TRPM7: variants seen among roughly 807,000 people sequenced by gnomAD.
TRPM7 encodes the protein transient receptor potential cation channel subfamily M member 7.
A neutral mutation model predicts 229.7 loss-of-function variants in TRPM7; 134 were observed. The observed-to-expected ratio is 0.58, with a 90% CI of 0.51 to 0.67. The LOEUF (loss-of-function observed/expected upper bound fraction) is 0.67, where lower values mean the gene tolerates loss of function less well. Ranked by LOEUF, TRPM7 falls within the 30% of genes least tolerant of loss-of-function variation. The pLI is 0.00. For missense variants in TRPM7, 1,901 were observed against 2,210.0 expected, an observed-to-expected ratio of 0.86 and a Z score of 2.80; for synonymous variants, 699 against 715.2, an observed-to-expected ratio of 0.98 and a Z score of 0.36.
At chr15:50,666,830 G>A (rs1291469971) in intron 1 of TRPM7, among the ~76,000 whole-genome samples, 3 of 152,090 alleles carry the variant, frequency 2.0e-5, no homozygotes, top group African/African-American at 7.2e-5. Context: ...GGTGGAGGTG[G>A]CAGCACAAGT....
At chr15:50,593,537 A>C in intron 25 of TRPM7, 80 bp downstream of exon 25, 1 of 1,419,264 alleles carries the variant, frequency 7.0e-7, no homozygotes, top group Non-Finnish European at 9.7e-7. Flanking sequence ...AAATAAATTT[A>C]ACAATGACCA....
chr15:50,679,933 A>G (rs1490849781), intron 1 of TRPM7, among the ~76,000 whole-genome samples: 1 of 152,060 alleles, frequency 6.6e-6, no homozygotes, highest in Non-Finnish European at 1.5e-5. Flanking sequence ...GTGTCTCTGC[A>G]CTTGTCAAAA....
At chr15:50,566,077 G>T (rs560554224) in intron 38 of TRPM7, among the ~76,000 whole-genome samples, 2 of 151,822 alleles carry the variant, frequency 1.3e-5, no homozygotes, top group African/African-American at 4.8e-5. Context: ...CACCTGCCTC[G>T]GCCTCCCAAA....
rs1223433330 is a variant in TRPM7 at position 50,611,327 on chromosome 15, A to G, written c.2052-6T>C. On this transcript the variant is annotated splice_polypyrimidine_tract_variant and splice_region_variant and intron_variant, in intron 16 of 38. Transcript: ENST00000646667. Reference sequence around the variant, plus strand: ...CGGCCAACTGACCAAAATCACTATAAAAAGATAAAAGCCAAAATATACTCA... The same window carrying G: ...CGGCCAACTGACCAAAATCACTATAGAAAGATAAAAGCCAAAATATACTCA... 1.2e-6 allele frequency: 2 copies of G among 1,608,080 alleles called. No homozygotes were observed. Among genetic ancestry groups the G allele is most frequent in the South Asian group, 1.1e-5 (1 of 90,536 alleles).
intron 30 of TRPM7, among the ~76,000 whole-genome samples, chr15:50,580,589 A>G (rs1315584851): frequency 6.6e-6 from 1 of 152,252 alleles, no homozygotes; most frequent in Admixed American, 6.5e-5. Context: ...GGAATAAGTT[A>G]GAAACAGGAC....
rs1041681677 is a variant in TRPM7 at position 50,599,211 on chromosome 15, T to C, written c.3074A>G (p.His1025Arg). ...AGCAAGAGTCCAAGATGGTGCTTCA[T>C]GAGGATAAAGTATTGCCTTTCTGGG... Reference protein sequence around the residue: ...GVPRKAILYPHEAPSWTLAKD... With the variant: ...GVPRKAILYPREAPSWTLAKD... The change falls in exon 22 of 39, where the codon CAT becomes CGT. Residue 1025 changes from histidine to arginine, a missense_variant. Around this residue, in one of 8 missense-constraint regions of TRPM7, gnomAD observed 89 missense variants for 178.2 expected, o/e 0.50. Transcript: ENST00000646667. 6.2e-7 allele frequency: 1 copy of C among 1,613,274 alleles called. No individual in the cohort carries two copies. The highest frequency in any genetic ancestry group is 8.5e-7 in the Non-Finnish European group (1 of 1,179,390).
intron 30 of TRPM7, 108 bp from the exon 31 acceptor site, chr15:50,578,772 G>C (rs1434433512): frequency 1.6e-6 from 1 of 620,372 alleles, no homozygotes; most frequent in Non-Finnish European, 2.3e-6. Flanking sequence ...TATTATTAAG[G>C]AAATTCTGAA....
Position 50,609,478 on chromosome 15 carries a change from T to C in TRPM7, c.2580+103A>G. The C allele has an allele frequency of 3.5e-6, 4 of 1,139,168 alleles. No homozygotes were observed. The East Asian group carries it at 1.0e-4, about 30-fold the overall frequency. 70.6% of individuals were successfully genotyped at this position (1,139,168 alleles called of 1,614,324 possible). A position where few individuals can be genotyped will look rare whatever the true frequency, so the allele number is the denominator to read the frequency against. ...CACTCTTTTAAATGTGAAATGCCTT[T>C]TCAGTGATCTAAGTTATATCAACAT... On this transcript the variant is annotated intron_variant, in intron 19 of 38. Coordinates refer to ENST00000646667, the MANE Select transcript of TRPM7 (RefSeq NM_017672.6).
chr15:50,666,405 T>C (rs534829702), intron 1 of TRPM7, among the ~76,000 whole-genome samples: 94 of 151,284 alleles, frequency 6.2e-4, no homozygotes, highest in Non-Finnish European at 1.2e-3. Flanking sequence ...CATGCCACCG[T>C]ACTCCAGCCT....
intron 38 of TRPM7, among the ~76,000 whole-genome samples, chr15:50,567,548 T>C (rs1175940773): frequency 6.6e-6 from 1 of 152,088 alleles, no homozygotes; most frequent in African/African-American, 2.4e-5. Context: ...ATATTCTTCA[T>C]GAACACAGAT....
At chr15:50,596,031 G>A (rs76361167) in intron 23 of TRPM7, among the ~76,000 whole-genome samples, 4,537 of 152,010 alleles carry the variant, frequency 0.03, 249 homozygotes, top group African/African-American at 0.1. Flanking sequence ...CCCAGATAAC[G>A]ATTAAATTTA....
chr15:50,574,785 G>C, intron 34 of TRPM7, 66 bp from the exon 35 acceptor site: 3 of 1,583,346 alleles, frequency 1.9e-6, no homozygotes, highest in South Asian at 2.3e-5. Context: ...TTGGCTTATT[G>C]ATATTTCAGA....
chr15:50,645,196 A>G lies in TRPM7; in HGVS notation c.322-1643T>C, dbSNP rs545769138. 5.6e-3 allele frequency among the ~76,000 whole-genome samples: 806 copies of G among 143,740 alleles called. 4 individuals are homozygous for G. Among genetic ancestry groups the G allele is most frequent in the Non-Finnish European group, 8.4e-3 (552 of 65,826 alleles). 94.3% of individuals were successfully genotyped at this position (143,740 alleles called of 152,430 possible). A position where few individuals can be genotyped will look rare whatever the true frequency, so the allele number is the denominator to read the frequency against. Reference sequence around the variant, plus strand: ...CTGGGATTACAGACACACGGCACCCAGCATGGTTAATTTTTTTGTATTTTT... The same window carrying G: ...CTGGGATTACAGACACACGGCACCCGGCATGGTTAATTTTTTTGTATTTTT... On this transcript the variant is annotated intron_variant, in intron 4 of 38. Transcript: ENST00000646667.
intron 22 of TRPM7, 38 bp downstream of exon 22, chr15:50,599,084 A>C (rs766782246): frequency 6.8e-6 from 10 of 1,475,680 alleles, no homozygotes; most frequent in Non-Finnish European, 9.2e-6. Flanking sequence ...AAAACACAAA[A>C]TAACCAAAAG....
chr15:50,647,441 T>C (rs576935236), intron 4 of TRPM7, among the ~76,000 whole-genome samples: 42 of 152,128 alleles, frequency 2.8e-4, no homozygotes, highest in Admixed American at 2.7e-3. Flanking sequence ...TATAATATTC[T>C]TTTTCTAAAG....
At chr15:50,614,769 T>A (rs1347465561) in intron 13 of TRPM7, among the ~76,000 whole-genome samples, 1 of 151,474 alleles carries the variant, frequency 6.6e-6, no homozygotes, top group Non-Finnish European at 1.5e-5. Context: ...TGTAAAAATA[T>A]GGGATTCTAA....
chr15:50,566,044 C>T (rs181508412), intron 38 of TRPM7, among the ~76,000 whole-genome samples: 2 of 151,934 alleles, frequency 1.3e-5, no homozygotes, highest in East Asian at 1.9e-4. Flanking sequence ...AGGTTGGTAT[C>T]GACCTCCTGA....
In TRPM7 at chr15:50,613,891, T is replaced by A. The variant is rs1004665309; in HGVS notation, c.1636-50A>T. 11 of 1,578,800 alleles carry A rather than the reference T, an allele frequency of 7.0e-6. No individual in the cohort carries two copies. The East Asian group carries it at 2.2e-4, about 32-fold the overall frequency. ...TTATAGATTTAAACGTGCTGACATG[T>A]TATAAAAATTCAAGAATCAATTTAT... On this transcript the variant is annotated intron_variant, in intron 14 of 38. Transcript: ENST00000646667.
Position 50,561,776 on chromosome 15 carries a change from T to C in TRPM7, c.5500A>G (p.Ile1834Val), listed in dbSNP as rs775647598. The change falls in exon 39 of 39, where the codon ATT becomes GTT. Residue 1834 changes from isoleucine (I) to valine (V), a missense_variant. Physicochemically the swap from Ile to Val is conservative, Grantham distance 29. Transcript: ENST00000646667. ...LKRNDYTPDK[I>V]IFPQDEPSDL... The stretch of plus-strand genomic sequence containing the variant: ...GAAGGCTCATCCTGAGGAAATATAA[T>C]TTTATCAGGCGTATAATCATTCCTC... 3 of 1,612,514 alleles carry C rather than the reference T, an allele frequency of 1.9e-6. No homozygotes were observed. Among genetic ancestry groups the C allele is most frequent in the South Asian group, 2.2e-5 (2 of 90,836 alleles).
Sources: gnomAD v4.1 joint callset for allele counts (sites outside exome capture counted in the v4.1 genomes callset) on GRCh38, gnomAD v4.1.1 for gene constraint, gnomAD v4.1.1 regional missense constraint, MANE v1.5 for transcripts, NCBI Gene and HGNC (gene_info 2026-07-23, HGNC 2026-07-21) for gene names.